The following CACNA1D variants were observed in gnomAD, a reference collection of about 807,000 sequenced individuals.
CACNA1D encodes voltage-dependent L-type calcium channel subunit alpha-1D.
Under a neutral mutation model 257.1 loss-of-function variants are expected in CACNA1D, and 55 were observed. The observed-to-expected ratio is 0.21, with a 90% CI of 0.17 to 0.27. The LOEUF is 0.27. Ranked by LOEUF, CACNA1D falls within the 10% of genes least tolerant of loss-of-function variation. CACNA1D has a pLI of 1.00. For missense variants in CACNA1D, 1,876 were observed against 2,784.0 expected (o/e 0.67, Z 7.34); for synonymous variants, 980 against 1,014.9 (o/e 0.97, Z 0.65).
In CACNA1D at chr3:53,793,938, AGCATCCATAG is replaced by A. The variant is rs1209689713; in HGVS notation, c.4924-6308_4924-6299del. ...CAGCAAACTTGGCACCCCCAACACC[AGCATCCATAG>A]GCTAAACTCTTCAGCTCCTGGATAG... On this transcript the variant is annotated intron_variant, in intron 40 of 47. Coordinates refer to ENST00000350061, the MANE Select transcript of CACNA1D (RefSeq NM_001128840.3). The surrounding 1 kb of genome is among the most constrained non-coding windows in gnomAD (Gnocchi z 4.1). 6.6e-6 allele frequency among the ~76,000 whole-genome samples: 1 copy of A among 152,226 alleles called. No individual in the cohort carries two copies. Among genetic ancestry groups the A allele is most frequent in the African/African-American group, 2.4e-5 (1 of 41,458 alleles).
Position 53,497,387 on chromosome 3 carries a change from A to G in CACNA1D, c.303A>G (p.Arg101=). 6.2e-7 allele frequency: 1 copy of G among 1,614,160 alleles called. No homozygotes were observed. The highest frequency in any genetic ancestry group is 8.5e-7 in the Non-Finnish European group (1 of 1,180,040). Residue 101 remains arginine (R), a synonymous_variant, in exon 2 of 48, where the codon CGA becomes CGG. Transcript: ENST00000350061. ...SKKQGNSSNS[R]PARALFCLSL... is the part of the protein sequence containing the mutation. ...AACAGGGTAACTCGTCCAACAGCCGACCTGCCCGCGCCCTTTTCTGTTTAT... is the reference window on the plus strand; with the variant it reads ...AACAGGGTAACTCGTCCAACAGCCGGCCTGCCCGCGCCCTTTTCTGTTTAT...
intron 3 of CACNA1D, among the ~76,000 whole-genome samples, chr3:53,605,342 G>A (rs111350983): frequency 5.3e-5 from 8 of 152,292 alleles, no homozygotes; most frequent in African/African-American, 1.9e-4. Flanking sequence ...ATCTTTCCAG[G>A]AATGTGTAAT....
At chr3:53,804,895 G>C (rs1459156517) in intron 44 of CACNA1D, 88 bp from the exon 45 acceptor site, 1 of 1,224,460 alleles carries the variant, frequency 8.2e-7, no homozygotes, top group Non-Finnish European at 1.2e-6. Flanking sequence ...GGGAGGAGGC[G>C]GGGAGAGGAG....
At chr3:53,661,117 G>A (rs2094199713) in intron 5 of CACNA1D, among the ~76,000 whole-genome samples, 1 of 152,208 alleles carries the variant, frequency 6.6e-6, no homozygotes, top group Non-Finnish European at 1.5e-5. Context: ...CCCCTGATAG[G>A]ACTCCTGTGT....
intron 3 of CACNA1D, among the ~76,000 whole-genome samples, chr3:53,531,401 C>A (rs1338820409): frequency 6.6e-6 from 1 of 152,136 alleles, no homozygotes; most frequent in Non-Finnish European, 1.5e-5. Context: ...ATGACATTCT[C>A]ACATAGGTTT....
At chr3:53,648,197 T>C (rs888699624) in intron 3 of CACNA1D, among the ~76,000 whole-genome samples, 5 of 152,194 alleles carry the variant, frequency 3.3e-5, no homozygotes, top group African/African-American at 1.2e-4. Context: ...GCTTTTTTTT[T>C]TCTCTCTGGC....
chr3:53,630,161 G>A (rs1338943849), intron 3 of CACNA1D, among the ~76,000 whole-genome samples: 1 of 152,234 alleles, frequency 6.6e-6, no homozygotes, highest in African/African-American at 2.4e-5. Context: ...ATCTGATGAA[G>A]TAGGGCCACA....
intron 9 of CACNA1D, among the ~76,000 whole-genome samples, chr3:53,715,237 C>T (rs576228388): frequency 2.6e-5 from 4 of 152,232 alleles, no homozygotes; most frequent in African/African-American, 4.8e-5. Flanking sequence ...TCTTTCTTTC[C>T]GTCTGCCTCT....
At chr3:53,803,873 A>AC (rs1437139096) in intron 44 of CACNA1D, among the ~76,000 whole-genome samples, 1 of 152,112 alleles carries the variant, frequency 6.6e-6, no homozygotes, top group Non-Finnish European at 1.5e-5. Context: ...CCTTTCCACC[A>AC]CCCGTCTTTG....
At chr3:53,613,181 T>G (rs182862725) in intron 3 of CACNA1D, among the ~76,000 whole-genome samples, 1 of 152,380 alleles carries the variant, frequency 6.6e-6, no homozygotes, top group East Asian at 1.9e-4. Flanking sequence ...AATTAAATTC[T>G]CTATAATGTA....
chr3:53,784,752 T>C (rs1343784454), intron 39 of CACNA1D, among the ~76,000 whole-genome samples: 2 of 152,112 alleles, frequency 1.3e-5, no homozygotes, highest in African/African-American at 4.8e-5. Flanking sequence ...CCTGGAGTCA[T>C]TAGCCAGACA....
intron 3 of CACNA1D, among the ~76,000 whole-genome samples, chr3:53,504,322 A>G (rs545905400): frequency 1.4e-4 from 22 of 152,208 alleles, no homozygotes; most frequent in African/African-American, 4.6e-4. Context: ...AGCTTTATGT[A>G]TGATGTTTCT....
intron 32 of CACNA1D, among the ~76,000 whole-genome samples, chr3:53,771,916 G>T (rs971279559): frequency 2.6e-5 from 4 of 152,230 alleles, no homozygotes; most frequent in African/African-American, 9.6e-5. Flanking sequence ...AGGCTGGCAG[G>T]CACAGGTCAA....
At position 53,576,787 on chromosome 3, in the gene CACNA1D, C is replaced by T. The variant is rs116087584; in HGVS notation, c.484-73992C>T. ...CCAGTCAGGATTTACCCCATATCCCCACCAAAGGATCTCATTCCTTTATCC... is the reference window on the plus strand; with the variant it reads ...CCAGTCAGGATTTACCCCATATCCCTACCAAAGGATCTCATTCCTTTATCC... On this transcript the variant is annotated intron_variant, in intron 3 of 47. Coordinates refer to ENST00000350061, the MANE Select transcript of CACNA1D (RefSeq NM_001128840.3). 2.0e-3 allele frequency among the ~76,000 whole-genome samples: 300 copies of T among 152,298 alleles called. 2 individuals carry two copies. Among genetic ancestry groups the T allele is most frequent in the African/African-American group, 7.0e-3 (292 of 41,554 alleles).
chr3:53,689,372 G>C (rs533992214), intron 8 of CACNA1D, among the ~76,000 whole-genome samples: 1 of 151,532 alleles, frequency 6.6e-6, no homozygotes, highest in Non-Finnish European at 1.5e-5. Context: ...TTTAAGCTGC[G>C]GGAGCTGTCA....
chr3:53,621,166 C>A (rs2093692997), intron 3 of CACNA1D, among the ~76,000 whole-genome samples: 1 of 152,116 alleles, frequency 6.6e-6, no homozygotes, highest in African/African-American at 2.4e-5. Flanking sequence ...TAAGCCAGAG[C>A]TGTGAATTCC....
chr3:53,714,834 T>C (rs550488483), intron 9 of CACNA1D, among the ~76,000 whole-genome samples: 1 of 152,334 alleles, frequency 6.6e-6, no homozygotes, highest in Non-Finnish European at 1.5e-5. Context: ...CCCCTTCTGG[T>C]TCTAACAGTC....
chr3:53,673,862 G>A lies in CACNA1D; in HGVS notation c.1220+736G>A. 2 of 1,223,564 alleles carry A rather than the reference G, an allele frequency of 1.6e-6. No homozygotes were observed. The highest frequency in any genetic ancestry group is 2.4e-6 in the Non-Finnish European group (2 of 823,344). The allele number at this position is 1,223,564 out of a possible 1,614,324, so 75.8% of individuals were successfully genotyped here. On this transcript the variant is annotated intron_variant, in intron 8 of 47. Coordinates refer to ENST00000350061, the MANE Select transcript of CACNA1D (RefSeq NM_001128840.3). This position sits in a 1 kb window ranked among gnomAD's most constrained non-coding sequence, Gnocchi z 4.1. ...TGCACCTTCTCCTGCTGCCACGTGT[G>A]AGGCAACTCTGCGTGTCTCCTAGCT... is the stretch of plus-strand genomic sequence containing the variant.
intron 1 of CACNA1D, 28 bp from the exon 2 acceptor site, chr3:53,497,124 A>T (rs2090385433): frequency 1.2e-6 from 2 of 1,604,694 alleles, no homozygotes; most frequent in Non-Finnish European, 1.7e-6. Flanking sequence ...TTAAAAAAAA[A>T]AATCTTTGTT....
Sources: allele counts gnomAD v4.1 joint callset (sites outside exome capture counted in the v4.1 genomes callset), GRCh38; gene constraint gnomAD v4.1.1; non-coding constraint Gnocchi (gnomAD v3.1); transcripts MANE v1.5; gene names NCBI Gene and HGNC (gene_info 2026-07-23, HGNC 2026-07-21).